The following SNRPN variants were observed in gnomAD, a reference collection of about 807,000 sequenced individuals.
SNRPN encodes small nuclear ribonucleoprotein polypeptide N, also known as small nuclear ribonucleoprotein-associated protein N.
A neutral mutation model predicts 25.2 loss-of-function variants in SNRPN; 7 were observed. That is an observed-to-expected ratio of 0.28 (90% CI 0.16 to 0.52). The LOEUF (loss-of-function observed/expected upper bound fraction) is 0.52. SNRPN is among the 20% of genes least tolerant of loss of function. SNRPN has a pLI of 0.96. For synonymous variants in SNRPN, 124 were observed against 110.6 expected (o/e 1.12, Z -0.76); for missense variants, 196 against 322.5 (o/e 0.61, Z 3.00).
chr15:24,830,069 T>A (rs952393878), intron 2 of SNRPN, among the ~76,000 whole-genome samples: 1 of 152,102 alleles, frequency 6.6e-6, no homozygotes, highest in Non-Finnish European at 1.5e-5. Context: ...GATGTTCGCA[T>A]ACAAACCCCA....
Position 24,886,768 on chromosome 15 carries a change from A to T in SNRPN, c.-505+179A>T, listed in dbSNP as rs548198070. On this transcript the variant is annotated intron_variant, in intron 2 of 11. Transcript: ENST00000400097. Reference sequence around the variant, plus strand: ...CGTTTATGACAATGACTTTGAGCAGAGTTGCACACCTAAAAAGGGACTCAA... The same window carrying T: ...CGTTTATGACAATGACTTTGAGCAGTGTTGCACACCTAAAAAGGGACTCAA... Among the ~76,000 whole-genome samples the T allele has an allele frequency of 4.6e-5, 7 of 152,388 alleles. No homozygotes were observed. The East Asian group carries it at 1.2e-3, about 25-fold the overall frequency.
intron 2 of SNRPN, chr15:24,849,127 T>G (rs1384645681): frequency 6.6e-6 from 1 of 152,238 alleles, no homozygotes; most frequent in Non-Finnish European, 1.5e-5. Context: ...GAGATGGGGT[T>G]TCACCATGTT....
intron 1 of SNRPN, among the ~76,000 whole-genome samples, chr15:24,824,193 A>G (rs1284031037): frequency 2.0e-5 from 3 of 152,200 alleles, no homozygotes; most frequent in South Asian, 2.1e-4. Flanking sequence ...TTTACTTACA[A>G]TCGCAGGCTT....
At chr15:24,827,682 G>A (rs1388480063) in intron 1 of SNRPN, among the ~76,000 whole-genome samples, 2 of 151,444 alleles carry the variant, frequency 1.3e-5, no homozygotes, top group African/African-American at 4.9e-5. Context: ...GCCTGACCAA[G>A]ATGGTGAAAC....
intron 3 of SNRPN, among the ~76,000 whole-genome samples, chr15:24,973,001 C>G (rs967650699): frequency 6.6e-6 from 1 of 152,150 alleles, no homozygotes; most frequent in African/African-American, 2.4e-5. Context: ...GATTCTCCTG[C>G]CTCAGCCTCC....
chr15:24,911,427 T>G (rs2059207958), intron 2 of SNRPN, among the ~76,000 whole-genome samples: 1 of 152,040 alleles, frequency 6.6e-6, no homozygotes, highest in African/African-American at 2.4e-5. Flanking sequence ...GGAATAACAA[T>G]TTTAAGGAAG....
intron 2 of SNRPN, among the ~76,000 whole-genome samples, chr15:24,910,161 T>C (rs1005563200): frequency 6.6e-5 from 10 of 151,958 alleles, no homozygotes; most frequent in Admixed American, 3.9e-4. Flanking sequence ...GGTGGAAGTA[T>C]TTCTGTGTCT....
chr15:24,938,949 G>A (rs1247275552), intron 3 of SNRPN, among the ~76,000 whole-genome samples: 3 of 152,116 alleles, frequency 2.0e-5, no homozygotes, highest in Non-Finnish European at 4.4e-5. Flanking sequence ...TATTATATTC[G>A]AGAATTAGCT....
intron 3 of SNRPN, among the ~76,000 whole-genome samples, chr15:24,924,833 T>A (rs1329388961): frequency 1.3e-5 from 2 of 152,000 alleles, no homozygotes; most frequent in Non-Finnish European, 2.9e-5. Flanking sequence ...TTGGGAAATG[T>A]GCAGGCAGGA....
intron 1 of SNRPN, among the ~76,000 whole-genome samples, chr15:24,858,651 A>C (rs2053668303): frequency 6.6e-6 from 1 of 151,812 alleles, no homozygotes; most frequent in African/African-American, 2.4e-5. Context: ...AAATACAAAA[A>C]TTAGCCGGGC....
intron 1 of SNRPN, among the ~76,000 whole-genome samples, chr15:24,961,720 A>C (rs2074855305): frequency 6.6e-6 from 1 of 152,128 alleles, no homozygotes; most frequent in African/African-American, 2.4e-5. Flanking sequence ...GTATCCTAAA[A>C]ATATTTTTTG....
intron 1 of SNRPN, among the ~76,000 whole-genome samples, chr15:24,828,343 T>G (rs1032743523): frequency 6.6e-6 from 1 of 152,108 alleles, no homozygotes; most frequent in Non-Finnish European, 1.5e-5. Flanking sequence ...TGATCTTACC[T>G]GAAGGTGACA....
At chr15:24,863,444 T>C (rs993567286) in intron 1 of SNRPN, among the ~76,000 whole-genome samples, 1 of 148,604 alleles carries the variant, frequency 6.7e-6, no homozygotes, top group Non-Finnish European at 1.5e-5. Context: ...ACTGTCTCCA[T>C]GGACATACAG....
intron 1 of SNRPN, among the ~76,000 whole-genome samples, chr15:24,884,321 G>A (rs969080922): frequency 2.0e-5 from 3 of 152,144 alleles, no homozygotes; most frequent in South Asian, 2.1e-4. Flanking sequence ...GTGAAAGAGC[G>A]AGACCCTGTC....
At chr15:24,913,067 G>C (rs1055060636) in intron 2 of SNRPN, among the ~76,000 whole-genome samples, 6 of 152,044 alleles carry the variant, frequency 3.9e-5, no homozygotes, top group Non-Finnish European at 7.4e-5. Context: ...AGCCTCCTGA[G>C]TAGCTGGGAT....
At chr15:24,865,005 C>T (rs543340762) in intron 1 of SNRPN, among the ~76,000 whole-genome samples, 4 of 150,672 alleles carry the variant, frequency 2.7e-5, no homozygotes, top group South Asian at 2.1e-4. Flanking sequence ...CAAACATGCA[C>T]GTAACCTATG....
At chr15:24,932,988 C>A (rs1158258493) in intron 3 of SNRPN, among the ~76,000 whole-genome samples, 1 of 152,048 alleles carries the variant, frequency 6.6e-6, no homozygotes, top group Non-Finnish European at 1.5e-5. Context: ...TTTGACTGGG[C>A]ATGGAGCTCA....
At chr15:24,874,053 G>A (rs72693669) in intron 1 of SNRPN, among the ~76,000 whole-genome samples, 13,990 of 150,086 alleles carry the variant, frequency 0.093, 820 homozygotes, top group Admixed American at 0.19. Flanking sequence ...GGTGGCTCAC[G>A]CCTGTAATCC....
intron 1 of SNRPN, among the ~76,000 whole-genome samples, chr15:24,878,562 TA>T (rs1184669338): frequency 9.9e-5 from 15 of 152,220 alleles, no homozygotes; most frequent in Admixed American, 9.8e-4. Context: ...GTTTTACTCG[TA>T]AAAATTTGCT....
Sources: gnomAD v4.1 joint callset for allele counts (sites outside exome capture counted in the v4.1 genomes callset) on GRCh38, gnomAD v4.1.1 for gene constraint, MANE v1.5 for transcripts, NCBI Gene and HGNC (gene_info 2026-07-23, HGNC 2026-07-21) for gene names.